ARHGEF18: variants seen among roughly 807,000 people sequenced by gnomAD.
The protein encoded by ARHGEF18 is rho guanine nucleotide exchange factor 18.
Under a neutral mutation model 155.7 loss-of-function variants are expected in ARHGEF18, and 93 were observed. The ratio of observed to expected loss-of-function variants is 0.60; its 90% CI spans 0.50 to 0.71. The LOEUF (loss-of-function observed/expected upper bound fraction) is 0.71. ARHGEF18 is among the 30% of genes least tolerant of loss of function. The pLI, the probability that ARHGEF18 is intolerant of heterozygous loss-of-function variation, is 0.00. For missense variants in ARHGEF18, 1,593 were observed against 1,816.1 expected (o/e 0.88, Z 2.23); for synonymous variants, 742 against 753.1 (o/e 0.99, Z 0.24).
Position 7,392,240 on chromosome 19 carries a change from C to CAA in ARHGEF18, c.967+9057_967+9058dup, listed in dbSNP as rs3997574. Reference sequence around the variant, plus strand: ...TGGGCAACAGAGTGAGACTCCGTCTCAAAAAAAAAAAAAAAAAAAAAGACT... The same window carrying CAA: ...TGGGCAACAGAGTGAGACTCCGTCTCAAAAAAAAAAAAAAAAAAAAAAAGACT... On this transcript the variant is annotated intron_variant, in intron 10 of 28. Coordinates refer to ENST00000668164, the MANE Select transcript of ARHGEF18 (RefSeq NM_001367823.1). Among the ~76,000 whole-genome samples, 284 of 71,568 alleles carry CAA rather than the reference C, an allele frequency of 4.0e-3. 8 individuals carry two copies. The highest frequency in any genetic ancestry group is 9.6e-3 in the African/African-American group (197 of 20,418). 47.0% of individuals were successfully genotyped at this position (71,568 alleles called of 152,430 possible).
intron 10 of ARHGEF18, among the ~76,000 whole-genome samples, chr19:7,400,339 A>T (rs538454287): frequency 6.6e-6 from 1 of 152,248 alleles, no homozygotes; most frequent in South Asian, 2.1e-4. Context: ...TTTTTAAAAA[A>T]ACAGGGTCTT....
intron 10 of ARHGEF18, among the ~76,000 whole-genome samples, chr19:7,411,891 G>A (rs996273557): frequency 8.5e-5 from 13 of 152,160 alleles, no homozygotes; most frequent in African/African-American, 2.9e-4. Context: ...ATTTCACTGA[G>A]CATAGTGTCC....
chr19:7,462,450 C>A lies in ARHGEF18; in HGVS notation c.2635+116C>A. On this transcript the variant is annotated intron_variant, in intron 21 of 28. Coordinates refer to ENST00000668164, the MANE Select transcript of ARHGEF18 (RefSeq NM_001367823.1). The surrounding 1 kb of genome is among the most constrained non-coding windows in gnomAD (Gnocchi z 4.4). ...GACACGGCACCCTGTCCAGGACAGG[C>A]TTCTATGTGGGGGGGGCCCAGGAGC... 8.4e-7 allele frequency: 1 copy of A among 1,187,974 alleles called. No homozygotes were observed. Among genetic ancestry groups the A allele is most frequent in the Non-Finnish European group, 1.1e-6 (1 of 920,242 alleles). The allele number at this position is 1,187,974 out of a possible 1,614,324, so 73.6% of individuals were successfully genotyped here.
rs1490465553 is a variant in ARHGEF18 at position 7,464,671 on chromosome 19, C to G, written c.2885C>G (p.Ser962Cys). The change falls in exon 23 of 29, where the codon TCT becomes TGT. Residue 962 changes from serine to cysteine, a missense_variant. Ser to Cys is a moderately radical substitution (Grantham distance 112). Transcript: ENST00000668164. ...AGTGACAGTGACATTCCTGGGAGCT[C>G]TGAGGAATCGCCGCAGGTGGTACGT... is the stretch of plus-strand genomic sequence containing the variant. ...KLSDSDIPGS[S>C]EESPQVVEAP... 6.2e-7 allele frequency: 1 copy of G among 1,613,918 alleles called. No homozygotes were observed. The highest frequency in any genetic ancestry group is 2.2e-5 in the East Asian group (1 of 44,886).
chr19:7,479,683 C>CG, the ARHGEF18 span, among the ~76,000 whole-genome samples: 1 of 152,198 alleles, frequency 6.6e-6, no homozygotes, highest in African/African-American at 2.4e-5. Context: ...ACAAGAATGC[C>CG]GCAGCAGGCG....
chr19:7,438,859 G>A (rs8110029), intron 10 of ARHGEF18, among the ~76,000 whole-genome samples: 97,205 of 151,832 alleles, frequency 0.64, 31,880 homozygotes, highest in Middle Eastern at 0.76. Context: ...AATGAATGAT[G>A]GTTGAGCTTT....
rs565982808 is a variant in ARHGEF18, at chr19:7,411,509, G to C, written c.967+28306G>C. ...TTTAGTAGACACAGGCTTTCACCAT[G>C]TTGGCCAGGCTGGTCTTGAACTCCT... On this transcript the variant is annotated intron_variant, in intron 10 of 28. Transcript: ENST00000668164. Among the ~76,000 whole-genome samples the C allele has an allele frequency of 3.9e-5, 6 of 152,198 alleles. No homozygotes were observed. The South Asian group carries it at 8.3e-4, about 21-fold the overall frequency.
At chr19:7,473,095 G>A (rs1415041128), downstream of ARHGEF18, 17 of 456,132 alleles carry the variant, frequency 3.7e-5, no homozygotes, top group Admixed American at 3.3e-4. Context: ...CACAATAACC[G>A]CAAAGGCTGG....
rs934411228 is a variant in ARHGEF18 at position 7,395,001 on chromosome 19, G to A, written c.967+11798G>A. On this transcript the variant is annotated intron_variant, in intron 10 of 28. Coordinates refer to ENST00000668164, the MANE Select transcript of ARHGEF18 (RefSeq NM_001367823.1). This position sits in a 1 kb window ranked among gnomAD's most constrained non-coding sequence, Gnocchi z 5.0. ...AGCCGACGCCCCCTCACCACGGCTC[G>A]GGGAGCAGCAGCCCCAGGTCCCCGG... The A allele has an allele frequency of 2.1e-6, 2 of 970,454 alleles. No homozygotes were observed. The allele number at this position is 970,454 out of a possible 1,614,324, so 60.1% of individuals were successfully genotyped here. A position where few individuals can be genotyped will look rare whatever the true frequency, so the allele number is the denominator to read the frequency against.
intron 10 of ARHGEF18, among the ~76,000 whole-genome samples, chr19:7,428,801 T>C (rs12611049): frequency 0.57 from 86,990 of 152,078 alleles, 25,148 homozygotes; most frequent in East Asian, 0.75. Context: ...CTAACTGTGC[T>C]CCCCGCCCTG....
chr19:7,475,740 C>T (rs961516426), downstream of ARHGEF18, among the ~76,000 whole-genome samples: 3 of 152,346 alleles, frequency 2.0e-5, no homozygotes, highest in South Asian at 4.1e-4. Flanking sequence ...ATGTGGCTTC[C>T]CCACACAGAG....
chr19:7,372,142 C>T (rs1970235065), intron 2 of ARHGEF18, among the ~76,000 whole-genome samples: 1 of 152,228 alleles, frequency 6.6e-6, no homozygotes. Context: ...ACCCACCAAA[C>T]CCTGTGTGCA....
rs145956946 is a variant in ARHGEF18, at chr19:7,379,519, A to G, written c.644+353A>G. Among the ~76,000 whole-genome samples, 1,206 of 152,304 alleles carry G rather than the reference A, an allele frequency of 7.9e-3. 6 individuals carry two copies. Among genetic ancestry groups the G allele is most frequent in the Middle Eastern group, 0.017 (5 of 294 alleles). ...GGTTGCAGTGAGCTGAGACTGCACC[A>G]TTGTACTCCAGCCTGGGCAACACAG... On this transcript the variant is annotated intron_variant, in intron 7 of 28. Transcript: ENST00000668164.
chr19:7,372,701 G>A (rs1187508849), intron 2 of ARHGEF18, 111 bp from the exon 3 acceptor site: 9 of 1,112,824 alleles, frequency 8.1e-6, no homozygotes, highest in Non-Finnish European at 1.0e-5. Flanking sequence ...ACAGGTAGGG[G>A]ACAGGCAGGG....
At chr19:7,400,772 C>T (rs1971989117) in intron 10 of ARHGEF18, among the ~76,000 whole-genome samples, 1 of 152,126 alleles carries the variant, frequency 6.6e-6, no homozygotes, top group Non-Finnish European at 1.5e-5. Context: ...GAGGTCAAGG[C>T]TGCAGAGAGC....
intron 2 of ARHGEF18, among the ~76,000 whole-genome samples, chr19:7,369,218 T>C (rs918901173): frequency 1.3e-5 from 2 of 151,692 alleles, no homozygotes; most frequent in East Asian, 2.0e-4. Context: ...TCCCAGCAGT[T>C]TGGGAGGCTG....
rs1174017369 is a variant in ARHGEF18 at position 7,462,626 on chromosome 19, G to A, written c.2635+292G>A. 6.7e-6 allele frequency among the ~76,000 whole-genome samples: 1 copy of A among 148,154 alleles called. No individual in the cohort carries two copies. Among genetic ancestry groups the A allele is most frequent in the Non-Finnish European group, 1.5e-5 (1 of 67,998 alleles). On this transcript the variant is annotated intron_variant, in intron 21 of 28. Transcript: ENST00000668164. The surrounding 1 kb of genome is among the most constrained non-coding windows in gnomAD (Gnocchi z 4.4). The stretch of plus-strand genomic sequence containing the variant: ...TGCAGAGGCTCTAAGCCGGGCCGTG[G>A]GGAGGATCTGAAGTTGACTAAGACT...
intron 10 of ARHGEF18, chr19:7,439,865 G>C: frequency 3.5e-6 from 5 of 1,447,982 alleles, no homozygotes; most frequent in Non-Finnish European, 4.5e-6. Context: ...CAAAGACCAA[G>C]GGAGAGCCTG....
Position 7,373,003 on chromosome 19 carries a change from A to G in ARHGEF18, c.207A>G (p.Ala69=). Residue 69 remains alanine (A), a synonymous_variant, in exon 3 of 29, where the codon GCA becomes GCG. Coordinates refer to ENST00000668164, the MANE Select transcript of ARHGEF18 (RefSeq NM_001367823.1). ...PGRDSLFSSL[A]GSQDLSRRRS... is the part of the protein sequence containing the mutation. Reference sequence around the variant, plus strand: ...GAGATTCTCTTTTCTCCAGCTTGGCAGGGTCCCAAGACCTGTCAAGGCGGC... The same window carrying G: ...GAGATTCTCTTTTCTCCAGCTTGGCGGGGTCCCAAGACCTGTCAAGGCGGC... The G allele has an allele frequency of 8.1e-7, 1 of 1,234,462 alleles. No individual in the cohort carries two copies. The allele number at this position is 1,234,462 out of a possible 1,614,324, so 76.5% of individuals were successfully genotyped here. A position where few individuals can be genotyped will look rare whatever the true frequency, so the allele number is the denominator to read the frequency against.
Sources: allele counts gnomAD v4.1 joint callset (sites outside exome capture counted in the v4.1 genomes callset), GRCh38; gene constraint gnomAD v4.1.1; non-coding constraint Gnocchi (gnomAD v3.1); transcripts MANE v1.5; gene names NCBI Gene and HGNC (gene_info 2026-07-23, HGNC 2026-07-21).